Variants in ZNF385D observed in about 807,000 individuals in gnomAD.
ZNF385D encodes zinc finger protein 659.
In ZNF385D, 15 loss-of-function variants were observed where a neutral mutation model predicts 35.8. That is an observed-to-expected ratio of 0.42 (90% CI 0.28 to 0.64). The LOEUF is 0.64. ZNF385D is among the 30% of genes least tolerant of loss of function. The probability of loss-of-function intolerance (pLI) is 0.23; values close to 1 mark genes in which losing one functional copy is unlikely to be tolerated. For missense variants in ZNF385D, 474 were observed against 494.6 expected (o/e 0.96, Z 0.39); for synonymous variants, 212 against 186.8 (o/e 1.13, Z -1.10).
At chr3:21,730,544 T>G (rs1465313035) in intron 1 of ZNF385D, among the ~76,000 whole-genome samples, 1 of 152,216 alleles carries the variant, frequency 6.6e-6, no homozygotes, top group Non-Finnish European at 1.5e-5. Context: ...GAGCATCTAC[T>G]AAGTGTCAGG....
intron 3 of ZNF385D, among the ~76,000 whole-genome samples, chr3:21,763,645 C>T (rs563001546): frequency 4.6e-5 from 7 of 152,152 alleles, no homozygotes; most frequent in African/African-American, 1.4e-4. Context: ...ATAAATAAAA[C>T]AATAAAGTGC....
intron 3 of ZNF385D, among the ~76,000 whole-genome samples, chr3:22,124,368 T>G (rs931494105): frequency 2.0e-5 from 3 of 152,188 alleles, no homozygotes; most frequent in Admixed American, 6.6e-5. Context: ...ATAGCTATTA[T>G]AAATACTGCT....
intron 3 of ZNF385D, among the ~76,000 whole-genome samples, chr3:22,049,336 T>C (rs2969108): frequency 1.1e-5 from 1 of 89,922 alleles, no homozygotes; most frequent in African/African-American, 3.6e-5. Context: ...ATAAAATAAA[T>C]AAAAAATGCG....
At chr3:21,824,444 C>G (rs201190073) in intron 3 of ZNF385D, among the ~76,000 whole-genome samples, 3 of 109,766 alleles carry the variant, frequency 2.7e-5, no homozygotes, top group Non-Finnish European at 4.5e-5. Flanking sequence ...TTTAAAAGGT[C>G]TCTCCCTTTC....
intron 3 of ZNF385D, among the ~76,000 whole-genome samples, chr3:21,564,349 A>G (rs998914257): frequency 6.6e-6 from 1 of 152,146 alleles, no homozygotes; most frequent in Non-Finnish European, 1.5e-5. Flanking sequence ...AAAATATTAA[A>G]CTGCAAGTAT....
chr3:22,225,089 G>C (rs1038997553), intron 2 of ZNF385D, among the ~76,000 whole-genome samples: 9 of 152,084 alleles, frequency 5.9e-5, no homozygotes, highest in African/African-American at 2.2e-4. Flanking sequence ...TGTTCAAAAA[G>C]CTTTTTGTCA....
At chr3:21,841,329 A>G (rs574723537) in intron 3 of ZNF385D, among the ~76,000 whole-genome samples, 7 of 152,112 alleles carry the variant, frequency 4.6e-5, no homozygotes, top group African/African-American at 1.7e-4. Flanking sequence ...TTTCTACTAC[A>G]GTGTTGCTAT....
At chr3:21,955,294 G>A (rs1286000609) in intron 3 of ZNF385D, among the ~76,000 whole-genome samples, 1 of 152,068 alleles carries the variant, frequency 6.6e-6, no homozygotes, top group Non-Finnish European at 1.5e-5. Flanking sequence ...GGAAACTAAA[G>A]TTCTTACTTT....
intron 3 of ZNF385D, among the ~76,000 whole-genome samples, chr3:22,006,453 T>C (rs1425793956): frequency 6.6e-6 from 1 of 152,104 alleles, no homozygotes; most frequent in East Asian, 1.9e-4. Context: ...CCAGAAATGA[T>C]TTTGAAGTGA....
At chr3:22,127,346 TTTTTTTTTTTTG>T (rs1703497841) in intron 3 of ZNF385D, among the ~76,000 whole-genome samples, 1 of 69,612 alleles carries the variant, frequency 1.4e-5, no homozygotes, top group Admixed American at 1.6e-4. Flanking sequence ...TTTTTTTTTT[TTTTTTTTTTTTG>T]AGACAGAGTC....
At chr3:22,025,037 G>T (rs1436936408) in intron 3 of ZNF385D, among the ~76,000 whole-genome samples, 1 of 152,144 alleles carries the variant, frequency 6.6e-6, no homozygotes, top group African/African-American at 2.4e-5. Context: ...TTAAAGTGAG[G>T]GCATTGATTA....
At chr3:22,149,444 G>A (rs1171434727) in intron 3 of ZNF385D, among the ~76,000 whole-genome samples, 2 of 152,142 alleles carry the variant, frequency 1.3e-5, no homozygotes, top group Non-Finnish European at 2.9e-5. Context: ...TGATTCTTAA[G>A]CTTGAGCATG....
Position 22,213,918 on chromosome 3 carries a change from C to T in ZNF385D, c.107-44883G>A, listed in dbSNP as rs543183228. On this transcript the variant is annotated intron_variant, in intron 2 of 5. Coordinates refer to the ZNF385D transcript ENST00000494108. ...TTACACCAGAAGAAAATTTATAAAG[C>T]GAGCAATAAAATTTAGTTTATTGAG... Among the ~76,000 whole-genome samples, 53 of 152,102 alleles carry T rather than the reference C, an allele frequency of 3.5e-4. No homozygotes were observed. The East Asian group carries it at 4.3e-3, about 12-fold the overall frequency.
intron 3 of ZNF385D, among the ~76,000 whole-genome samples, chr3:21,854,696 A>G (rs1696608870): frequency 6.6e-6 from 1 of 151,890 alleles, no homozygotes; most frequent in Admixed American, 6.6e-5. Context: ...AATACCTTTA[A>G]TCCTGACTAT....
chr3:21,449,384 T>C (rs140018350), intron 4 of ZNF385D, among the ~76,000 whole-genome samples: 1 of 152,290 alleles, frequency 6.6e-6, no homozygotes, highest in African/African-American at 2.4e-5. Context: ...AAGAGTTAAA[T>C]CACAACATCG....
chr3:21,586,947 A>T (rs1472690164), intron 2 of ZNF385D, among the ~76,000 whole-genome samples: 3 of 152,228 alleles, frequency 2.0e-5, no homozygotes, highest in Non-Finnish European at 4.4e-5. Flanking sequence ...ACTTCAAATG[A>T]GTGATAATAT....
intron 2 of ZNF385D, among the ~76,000 whole-genome samples, chr3:22,204,009 T>C (rs1019830335): frequency 1.3e-5 from 2 of 152,016 alleles, no homozygotes; most frequent in Admixed American, 6.6e-5. Flanking sequence ...AGTCAAGTGG[T>C]GGTTACAGTG....
chr3:21,737,507 G>A (rs2069303472), intron 1 of ZNF385D, among the ~76,000 whole-genome samples: 1 of 151,442 alleles, frequency 6.6e-6, no homozygotes, highest in Non-Finnish European at 1.5e-5. Context: ...AAGATAGATA[G>A]ATACGTATGT....
At chr3:22,352,723 A>G (rs919556163) in intron 2 of ZNF385D, among the ~76,000 whole-genome samples, 5 of 152,168 alleles carry the variant, frequency 3.3e-5, no homozygotes, top group Admixed American at 6.5e-5. Flanking sequence ...CATTCACTCT[A>G]AACATATTCA....
Sources: gnomAD v4.1 joint callset for allele counts (sites outside exome capture counted in the v4.1 genomes callset) on GRCh38, gnomAD v4.1.1 for gene constraint, MANE v1.5 for transcripts, NCBI Gene and HGNC (gene_info 2026-07-23, HGNC 2026-07-21) for gene names.